Variants in MLIP observed in about 807,000 individuals in gnomAD.
MLIP encodes muscular LMNA-interacting protein.
MLIP carries 79 observed loss-of-function variants against 84.8 expected under a neutral mutation model. That is an observed-to-expected ratio of 0.93 (90% CI 0.78 to 1.12). The LOEUF is 1.12. Among genes scored for constraint, MLIP ranks in the 50% most tolerant of loss-of-function variants. The pLI, the probability that MLIP is intolerant of heterozygous loss-of-function variation, is 0.00. For synonymous variants in MLIP, 504 were observed against 463.0 expected (o/e 1.09, Z -1.14); for missense variants, 1,257 against 1,160.6 (o/e 1.08, Z -1.21).
intron 11 of MLIP, among the ~76,000 whole-genome samples, chr6:54,226,306 G>A (rs1264493280): frequency 1.3e-5 from 2 of 152,168 alleles, no homozygotes; most frequent in Non-Finnish European, 2.9e-5. Context: ...GATGCTATAA[G>A]GGGTTAATGC....
intron 12 of MLIP, among the ~76,000 whole-genome samples, chr6:54,236,347 T>G (rs931692695): frequency 6.6e-6 from 1 of 152,202 alleles, no homozygotes; most frequent in African/African-American, 2.4e-5. Context: ...ACGCCTGTAA[T>G]CCCAGCACTT....
chr6:54,159,112 T>C (rs2150557752), intron 5 of MLIP, among the ~76,000 whole-genome samples: 1 of 151,986 alleles, frequency 6.6e-6, no homozygotes, highest in East Asian at 1.9e-4. Flanking sequence ...GGGATCTCAC[T>C]GTGTTGTCCA....
intron 11 of MLIP, among the ~76,000 whole-genome samples, chr6:54,220,422 A>G (rs1780142009): frequency 6.6e-6 from 1 of 152,220 alleles, no homozygotes; most frequent in South Asian, 2.1e-4. Flanking sequence ...CAGGGAAAAA[A>G]TGAAAAACCC....
intron 4 of MLIP, among the ~76,000 whole-genome samples, chr6:54,143,164 G>A (rs1237007104): frequency 6.6e-6 from 1 of 150,996 alleles, no homozygotes; most frequent in East Asian, 2.0e-4. Flanking sequence ...GGTGTTCAAT[G>A]ATTGACAAAA....
chr6:54,252,682 T>G (rs1244974997), intron 12 of MLIP, among the ~76,000 whole-genome samples: 1 of 151,612 alleles, frequency 6.6e-6, no homozygotes, highest in South Asian at 2.1e-4. Flanking sequence ...TTTAGCTTCA[T>G]CTAAAAGGCA....
intron 12 of MLIP, among the ~76,000 whole-genome samples, chr6:54,242,487 G>A (rs1781803899): frequency 6.6e-6 from 1 of 151,992 alleles, no homozygotes; most frequent in African/African-American, 2.4e-5. Context: ...ATTCAAGCAT[G>A]GGTTGATTTT....
intron 1 of MLIP, among the ~76,000 whole-genome samples, chr6:54,106,188 T>C (rs1297273322): frequency 1.3e-5 from 2 of 152,116 alleles, no homozygotes; most frequent in Non-Finnish European, 2.9e-5. Flanking sequence ...TGGAATGGAT[T>C]CCTCTCTAGA....
chr6:54,040,782 G>C (rs1161472075), intron 1 of MLIP, among the ~76,000 whole-genome samples: 1 of 152,054 alleles, frequency 6.6e-6, no homozygotes, highest in Non-Finnish European at 1.5e-5. Flanking sequence ...GATGGAGCTG[G>C]AGGCCATTAT....
intron 1 of MLIP, among the ~76,000 whole-genome samples, chr6:54,114,609 G>A (rs1184979100): frequency 6.6e-6 from 1 of 152,022 alleles, no homozygotes; most frequent in Non-Finnish European, 1.5e-5. Context: ...TCTCCTATGG[G>A]TTATTGCAAT....
intron 4 of MLIP, among the ~76,000 whole-genome samples, chr6:54,147,778 T>C (rs1773015840): frequency 6.6e-6 from 1 of 152,158 alleles, no homozygotes; most frequent in African/African-American, 2.4e-5. Context: ...TAAGTGAGCA[T>C]GTATTTGTGG....
intron 11 of MLIP, among the ~76,000 whole-genome samples, chr6:54,214,837 G>C (rs373035632): frequency 6.6e-5 from 10 of 152,192 alleles, no homozygotes; most frequent in African/African-American, 2.4e-4. Flanking sequence ...TGAGCATGTG[G>C]TCTCCGCAAT....
intron 10 of MLIP, among the ~76,000 whole-genome samples, chr6:54,192,037 A>G (rs1582458395): frequency 6.6e-6 from 1 of 151,120 alleles, no homozygotes; most frequent in Non-Finnish European, 1.5e-5. Flanking sequence ...AAGATATAGT[A>G]AAACAACTCT....
chr6:54,173,206 C>T (rs1775944199), intron 9 of MLIP, among the ~76,000 whole-genome samples: 2 of 151,670 alleles, frequency 1.3e-5, no homozygotes, highest in African/African-American at 2.4e-5. Flanking sequence ...TCAGAAATCA[C>T]AGAGCAGGCA....
At chr6:54,045,968 A>G (rs1399986340) in intron 1 of MLIP, 1 of 152,234 alleles carries the variant, frequency 6.6e-6, no homozygotes, top group Admixed American at 6.5e-5. Context: ...AGGTTTTTAC[A>G]GCAGTGCGAG....
intron 11 of MLIP, chr6:54,217,655 C>CT (rs1342682516): frequency 2.2e-5 from 22 of 983,086 alleles, no homozygotes; most frequent in Admixed American, 6.2e-5. Context: ...TCAGTAAAGC[C>CT]TTTTTTTGAA....
chr6:54,228,833 C>T (rs1216368136), intron 11 of MLIP, among the ~76,000 whole-genome samples: 1 of 152,182 alleles, frequency 6.6e-6, no homozygotes, highest in Admixed American at 6.5e-5. Context: ...CAACACTGTC[C>T]TTTTCTCACA....
intron 1 of MLIP, among the ~76,000 whole-genome samples, chr6:54,036,901 G>A (rs1196558491): frequency 6.6e-6 from 1 of 152,046 alleles, no homozygotes; most frequent in Non-Finnish European, 1.5e-5. Context: ...TAACTACCAA[G>A]TGGAAGTTAA....
chr6:54,056,329 A>T (rs9474720), intron 1 of MLIP, among the ~76,000 whole-genome samples: 8 of 152,032 alleles, frequency 5.3e-5, no homozygotes, highest in African/African-American at 1.9e-4. Flanking sequence ...CGCTGTACAG[A>T]GGCTTGAACG....
At chr6:54,198,397 T>G (rs1320393529) in intron 10 of MLIP, among the ~76,000 whole-genome samples, 3 of 152,132 alleles carry the variant, frequency 2.0e-5, no homozygotes. Flanking sequence ...GAGGAAGAAT[T>G]GAGGGGAAGT....
Sources: allele counts gnomAD v4.1 joint callset (sites outside exome capture counted in the v4.1 genomes callset), GRCh38; gene constraint gnomAD v4.1.1; transcripts MANE v1.5; gene names NCBI Gene and HGNC (gene_info 2026-07-23, HGNC 2026-07-21).